The following CEP170B variants were observed in gnomAD, a reference collection of about 807,000 sequenced individuals.
The protein encoded by CEP170B is centrosomal protein of 170 kDa protein B.
Under a neutral mutation model 120.6 loss-of-function variants are expected in CEP170B, and 55 were observed. The ratio of observed to expected loss-of-function variants is 0.46; its 90% CI spans 0.37 to 0.57. The LOEUF (loss-of-function observed/expected upper bound fraction) is 0.57. CEP170B is among the 20% of genes least tolerant of loss of function. CEP170B has a pLI of 0.00. For synonymous variants in CEP170B, 1,033 were observed against 954.5 expected (o/e 1.08, Z -1.52); for missense variants, 2,212 against 2,253.3 (o/e 0.98, Z 0.37).
Position 104,887,258 on chromosome 14 carries a change from T to A in CEP170B, c.3019T>A (p.Ser1007Thr). Residue 1007 changes from serine to threonine, a missense_variant, in exon 12 of 19, where the codon TCC (serine) becomes ACC (threonine). This residue lies in a region of CEP170B where 2,166 missense variants were observed against 2,166.7 expected (regional missense o/e 1.00). Coordinates refer to ENST00000414716, the MANE Select transcript of CEP170B (RefSeq NM_001112726.3). ...GTALVSAREQ[S>T]SERQHHPLGP... ...CGCCCTGGTCAGTGCCCGTGAGCAG[T>A]CCTCAGAGAGGCAGCATCACCCACT... The A allele has an allele frequency of 2.5e-6, 4 of 1,607,854 alleles. No homozygotes were observed. Among genetic ancestry groups the A allele is most frequent in the Non-Finnish European group, 3.4e-6 (4 of 1,179,304 alleles).
chr14:104,895,223 A>C lies in CEP170B; in HGVS notation c.*265A>C, dbSNP rs2140766493. On this transcript the variant is annotated 3_prime_UTR_variant, in exon 19 of 19. Coordinates refer to ENST00000414716, the MANE Select transcript of CEP170B (RefSeq NM_001112726.3). ...CCCAGCTCCTGGCCAGGCTGCTGCC[A>C]AGGTCAAGCCCTCAAGGGCATTACC... 1 of 456,856 alleles carries C rather than the reference A, an allele frequency of 2.2e-6. No individual in the cohort carries two copies. The highest frequency in any genetic ancestry group is 3.6e-5 in the East Asian group (1 of 28,128). The allele number at this position is 456,856 out of a possible 1,614,324, so 28.3% of individuals were successfully genotyped here.
rs930869542 is a variant in CEP170B, at chr14:104,883,711, G to T, written c.1052-120G>T. 6.2e-6 allele frequency: 7 copies of T among 1,133,762 alleles called. No homozygotes were observed. In the African/African-American group the frequency reaches 7.8e-5, roughly 13 times the overall value. 70.2% of individuals were successfully genotyped at this position (1,133,762 alleles called of 1,614,324 possible). ...GCACTTCTTTGCCCTGTGTGGGGGG[G>T]CCCTGAGGGCTGGGGTGCTTTGTCA... On this transcript the variant is annotated intron_variant, in intron 8 of 18. Coordinates refer to ENST00000414716, the MANE Select transcript of CEP170B (RefSeq NM_001112726.3).
chr14:104,894,251 T>A, intron 16 of CEP170B, 34 bp from the exon 17 acceptor site: 1 of 1,484,044 alleles, frequency 6.7e-7, no homozygotes, highest in Non-Finnish European at 9.4e-7. Context: ...TCTGTCCTTG[T>A]CCCCCCATTT....
At chr14:104,883,637 C>T (rs1249556777) in intron 8 of CEP170B, 129 bp downstream of exon 8, 2 of 1,144,448 alleles carry the variant, frequency 1.7e-6, no homozygotes, top group Non-Finnish European at 2.4e-6. Context: ...CAGTTAATTG[C>T]CTAAGAGCCA....
At chr14:104,874,385 C>T (rs766743607) in intron 2 of CEP170B, among the ~76,000 whole-genome samples, 2 of 152,136 alleles carry the variant, frequency 1.3e-5, no homozygotes, top group Non-Finnish European at 2.9e-5. Flanking sequence ...CAAGGTCAGA[C>T]CCACTCTCAG....
Position 104,895,309 on chromosome 14 carries a change from C to A in CEP170B, c.*351C>A, listed in dbSNP as rs969961233. The A allele has an allele frequency of 3.0e-5, 7 of 235,682 alleles. No homozygotes were observed. The highest frequency in any genetic ancestry group is 1.4e-4 in the African/African-American group (6 of 44,210). 14.6% of individuals were successfully genotyped at this position (235,682 alleles called of 1,614,324 possible). ...GCTTTAAAGGAAAGAGTTGTTGGTG[C>A]CATTGCAGGTGCCCCCTCCAGGCCT... On this transcript the variant is annotated 3_prime_UTR_variant, in exon 19 of 19. Coordinates refer to ENST00000414716, the MANE Select transcript of CEP170B (RefSeq NM_001112726.3).
At chr14:104,878,535 C>T (rs61995998) in intron 5 of CEP170B, 34 bp downstream of exon 5, 726,282 of 1,601,748 alleles carry the variant, frequency 0.45, 174,248 homozygotes, top group Middle Eastern at 0.51. Context: ...GGCTCAGCCA[C>T]GAGGGCTCAG....
intron 3 of CEP170B, among the ~76,000 whole-genome samples, chr14:104,877,669 C>T (rs1297520928): frequency 1.3e-5 from 2 of 152,170 alleles, no homozygotes; most frequent in African/African-American, 4.8e-5. Context: ...GGGTGGGCCC[C>T]AGTGTCTGGG....
At chr14:104,885,258 G>A (rs1896411135) in intron 9 of CEP170B, 111 bp from the exon 10 acceptor site, 2 of 1,281,640 alleles carry the variant, frequency 1.6e-6, no homozygotes, top group Admixed American at 6.2e-5. Flanking sequence ...CAGCCACTCT[G>A]GCCAACCAGG....
chr14:104,882,537 A>G (rs755717711), intron 6 of CEP170B, among the ~76,000 whole-genome samples, 191 bp from the exon 7 acceptor site: 1 of 151,888 alleles, frequency 6.6e-6, no homozygotes, highest in Non-Finnish European at 1.5e-5. Context: ...GGGAGGGGCC[A>G]GTGAGCCACC....
At position 104,886,043 on chromosome 14, in the gene CEP170B, C is replaced by T. The variant is rs1896475910; in HGVS notation, c.1948C>T (p.Leu650Phe). The change falls in exon 11 of 19, where the codon CTC becomes TTC. Residue 650 changes from leucine to phenylalanine, a missense_variant. Leu to Phe is a conservative substitution (Grantham distance 22). Coordinates refer to ENST00000414716, the MANE Select transcript of CEP170B (RefSeq NM_001112726.3). ...GAAPQAEHQG[L>F]PVPGSPGGQK... ...ACTCCCACCCTCCTCTCCACAGGGC[C>T]TCCCGGTGCCGGGCTCCCCTGGGGG... 2.0e-6 allele frequency: 3 copies of T among 1,536,618 alleles called. No individual in the cohort carries two copies. The African/African-American group carries it at 4.1e-5, about 21-fold the overall frequency.
In CEP170B at chr14:104,880,325, G is replaced by C; in HGVS notation, c.372G>C (p.Lys124Asn). Reference protein sequence around the residue: ...KYTSQLQVSVKGLAPKRSEAL... With the variant: ...KYTSQLQVSVNGLAPKRSEAL... The stretch of plus-strand genomic sequence containing the variant: ...CCAGCCAGCTGCAGGTGAGCGTGAA[G>C]GGTTTGGCGCCCAAGAGGAGCGAGG... Residue 124 changes from lysine to asparagine, a missense_variant, in exon 6 of 19, where the codon AAG (lysine) becomes AAC (asparagine). Physicochemically the swap from Lys to Asn is moderately conservative, Grantham distance 94. This residue lies in a region of CEP170B where 2,166 missense variants were observed against 2,166.7 expected (regional missense o/e 1.00). Coordinates refer to ENST00000414716, the MANE Select transcript of CEP170B (RefSeq NM_001112726.3). The C allele has an allele frequency of 6.2e-7, 1 of 1,610,160 alleles. No individual in the cohort carries two copies. The highest frequency in any genetic ancestry group is 8.5e-7 in the Non-Finnish European group (1 of 1,178,578).
rs1276983527 is a variant in CEP170B, at chr14:104,885,428, A to G, written c.1830A>G (p.Pro610=). The G allele has an allele frequency of 6.4e-7, 1 of 1,565,442 alleles. No individual in the cohort carries two copies. Among genetic ancestry groups the G allele is most frequent in the Admixed American group, 1.9e-5 (1 of 52,776 alleles). The part of the protein sequence containing the change: ...LSRASSATFR[P]VIRGDRDESD... ...GGGCATCTTCGGCCACCTTTCGCCC[A>G]GTCATCAGAGGGGACAGAGATGAGT... Residue 610 remains proline (P), a synonymous_variant, in exon 10 of 19, where the codon CCA becomes CCG. Transcript: ENST00000414716.
Position 104,887,130 on chromosome 14 carries a change from T to C in CEP170B, c.2891T>C (p.Leu964Pro). 1 of 1,610,442 alleles carries C rather than the reference T, an allele frequency of 6.2e-7. No homozygotes were observed. The highest frequency in any genetic ancestry group is 8.5e-7 in the Non-Finnish European group (1 of 1,179,692). The change falls in exon 12 of 19, where the codon CTG (leucine) becomes CCG (proline). Residue 964 changes from leucine (L) to proline (P), a missense_variant. Leu to Pro is a moderately conservative substitution (Grantham distance 98). Around this residue, in one of 2 missense-constraint regions of CEP170B, gnomAD observed 2,166 missense variants for 2,166.7 expected, o/e 1.00. Coordinates refer to ENST00000414716, the MANE Select transcript of CEP170B (RefSeq NM_001112726.3). ...SDVDTASTVS[L>P]RSGKSGPSPT... ...GTGGACACAGCCAGCACCGTCAGCC[T>C]GCGTAGTGGCAAGAGCGGGCCCAGC... is the stretch of plus-strand genomic sequence containing the variant.
At position 104,891,824 on chromosome 14, in the gene CEP170B, G is replaced by A. The variant is rs1461880570; in HGVS notation, c.3879-1152G>A. Among the ~76,000 whole-genome samples, 5 of 152,162 alleles carry A rather than the reference G, an allele frequency of 3.3e-5. No individual in the cohort carries two copies. The highest frequency in any genetic ancestry group is 1.2e-4 in the African/African-American group (5 of 41,426). On this transcript the variant is annotated intron_variant, in intron 13 of 18. Transcript: ENST00000414716. The surrounding 1 kb of genome is among the most constrained non-coding windows in gnomAD (Gnocchi z 4.3). ...GGGGGCCTGAGGGCCAGGGGCATGT[G>A]CCAGTTGGTGTCACCCAGAGGTGGA...
intron 2 of CEP170B, among the ~76,000 whole-genome samples, chr14:104,871,355 G>A (rs1373657944): frequency 6.6e-6 from 1 of 151,664 alleles, no homozygotes; most frequent in East Asian, 2.0e-4. Flanking sequence ...CCCCGCCAGG[G>A]TCCCCTTCCC....
At chr14:104,884,593 G>GTGGAGGCGAT (rs1896355219) in intron 9 of CEP170B, 44 bp downstream of exon 9, 1 of 1,465,584 alleles carries the variant, frequency 6.8e-7, no homozygotes, top group Admixed American at 2.1e-5. Flanking sequence ...GGAACGGGGG[G>GTGGAGGCGAT]GTGGAGGCGA....
intron 2 of CEP170B, among the ~76,000 whole-genome samples, chr14:104,869,080 C>T (rs1895340824): frequency 6.6e-6 from 1 of 152,180 alleles, no homozygotes; most frequent in African/African-American, 2.4e-5. Flanking sequence ...TGAGAGCCTG[C>T]CGAGCACCGG....
chr14:104,889,800 G>A (rs2919629), intron 13 of CEP170B, 42 bp downstream of exon 13: 9 of 1,567,368 alleles, frequency 5.7e-6, no homozygotes, highest in East Asian at 2.3e-5. Context: ...GTGCCAGTGC[G>A]TTTTCTTGAG....
Sources: allele counts gnomAD v4.1 joint callset (sites outside exome capture counted in the v4.1 genomes callset), GRCh38; gene constraint gnomAD v4.1.1; regional missense constraint gnomAD v4.1.1; non-coding constraint Gnocchi (gnomAD v3.1); transcripts MANE v1.5; gene names NCBI Gene and HGNC (gene_info 2026-07-23, HGNC 2026-07-21).